The following DLG2 variants were observed in gnomAD, a reference collection of about 807,000 sequenced individuals.
The protein encoded by DLG2 is discs large MAGUK scaffold protein 2.
A neutral mutation model predicts 132.5 loss-of-function variants in DLG2; 45 were observed. The ratio of observed to expected loss-of-function variants is 0.34; its 90% confidence interval spans 0.27 to 0.44. DLG2 has a LOEUF of 0.44. Among genes scored for constraint, DLG2 ranks in the 20% least tolerant of loss-of-function variants. The pLI, the probability that DLG2 is intolerant of heterozygous loss-of-function variation, is 1.00. For synonymous variants in DLG2, 424 were observed against 419.6 expected (o/e 1.01, Z -0.13); for missense variants, 1,045 against 1,196.9 (o/e 0.87, Z 1.87).
At chr11:85,545,193 C>G (rs1052518688) in intron 3 of DLG2, among the ~76,000 whole-genome samples, 14 of 152,060 alleles carry the variant, frequency 9.2e-5, no homozygotes, top group Admixed American at 6.6e-5. Flanking sequence ...AGAGTTTTAG[C>G]ATGAAGGGCT....
intron 7 of DLG2, among the ~76,000 whole-genome samples, chr11:84,255,497 T>C (rs1204113876): frequency 6.6e-6 from 1 of 152,150 alleles, no homozygotes; most frequent in Non-Finnish European, 1.5e-5. Context: ...CTAATTTTTG[T>C]ATTTTTAGTA....
chr11:84,053,472 T>C (rs1272250720), intron 11 of DLG2, among the ~76,000 whole-genome samples: 2 of 151,978 alleles, frequency 1.3e-5, no homozygotes, highest in Non-Finnish European at 2.9e-5. Flanking sequence ...TAGTATTTTA[T>C]ATTAAATATT....
At chr11:85,241,719 C>T (rs1157299381) in intron 4 of DLG2, among the ~76,000 whole-genome samples, 2 of 151,922 alleles carry the variant, frequency 1.3e-5, no homozygotes, top group East Asian at 1.9e-4. Flanking sequence ...TCAAGTGGCA[C>T]AAGTGAATTA....
chr11:83,786,035 T>C (rs2095044024), intron 18 of DLG2, among the ~76,000 whole-genome samples: 1 of 152,160 alleles, frequency 6.6e-6, no homozygotes, highest in Non-Finnish European at 1.5e-5. Flanking sequence ...AACCATACAA[T>C]AAGTAACATC....
At chr11:84,072,214 A>C (rs1250455210) in intron 10 of DLG2, among the ~76,000 whole-genome samples, 11 of 152,216 alleles carry the variant, frequency 7.2e-5, no homozygotes, top group Admixed American at 2.0e-4. Context: ...ATAACACCCA[A>C]GTCTTTCCAC....
intron 18 of DLG2, among the ~76,000 whole-genome samples, chr11:83,765,269 AT>A (rs1399846093): frequency 6.6e-6 from 1 of 152,240 alleles, no homozygotes; most frequent in Non-Finnish European, 1.5e-5. Context: ...GAAAATTAAC[AT>A]CTTGATGGGA....
intron 3 of DLG2, among the ~76,000 whole-genome samples, chr11:85,493,110 C>T (rs767717583): frequency 6.6e-6 from 1 of 152,064 alleles, no homozygotes; most frequent in African/African-American, 2.4e-5. Flanking sequence ...CCAGAAACAA[C>T]TAGTAATCAG....
intron 6 of DLG2, among the ~76,000 whole-genome samples, chr11:84,591,223 C>CTCTCTG (rs1555073566): frequency 5.7e-5 from 8 of 139,222 alleles, no homozygotes; most frequent in African/African-American, 2.2e-4. Context: ...ATGTGTCTCT[C>CTCTCTG]TGTGTGTGTG....
At chr11:84,570,849 T>C (rs1008912556) in intron 6 of DLG2, among the ~76,000 whole-genome samples, 2 of 152,212 alleles carry the variant, frequency 1.3e-5, no homozygotes, top group Non-Finnish European at 2.9e-5. Context: ...GTCAAAAAAA[T>C]TTCCTCTGCA....
intron 9 of DLG2, among the ~76,000 whole-genome samples, chr11:84,141,990 C>A (rs1033993274): frequency 2.0e-5 from 3 of 152,018 alleles, no homozygotes; most frequent in Admixed American, 6.6e-5. Context: ...GACTTTCCAT[C>A]TTTCTAGCTC....
chr11:84,352,362 T>C (rs573613486), intron 7 of DLG2, among the ~76,000 whole-genome samples: 21 of 152,292 alleles, frequency 1.4e-4, no homozygotes, highest in Admixed American at 5.9e-4. Flanking sequence ...TGAGGTATTA[T>C]GTATGAAGCC....
chr11:84,329,591 C>T (rs1734748821), intron 7 of DLG2, among the ~76,000 whole-genome samples: 1 of 152,170 alleles, frequency 6.6e-6, no homozygotes, highest in African/African-American at 2.4e-5. Context: ...AACTGTGAGT[C>T]AATTAAGCTT....
At chr11:84,954,689 G>A (rs552982433) in intron 6 of DLG2, among the ~76,000 whole-genome samples, 1 of 152,080 alleles carries the variant, frequency 6.6e-6, no homozygotes, top group Non-Finnish European at 1.5e-5. Flanking sequence ...CCTTTGTGAC[G>A]CTTTACTCAT....
chr11:84,901,305 G>A (rs1007963361), intron 6 of DLG2, among the ~76,000 whole-genome samples: 1 of 152,024 alleles, frequency 6.6e-6, no homozygotes, highest in Non-Finnish European at 1.5e-5. Flanking sequence ...CACAGGCTGA[G>A]AAGGAAGGGA....
At position 84,703,881 on chromosome 11, in the gene DLG2, T is replaced by TATATATATATATATATATATATAC. The variant is rs1039735623; in HGVS notation, c.358-169151_358-169150insGTATATATATATATATATATATAT. Among the ~76,000 whole-genome samples, 327 of 122,590 alleles carry TATATATATATATATATATATATAC rather than the reference T, an allele frequency of 2.7e-3. 3 individuals carry two copies. The highest frequency in any genetic ancestry group is 8.3e-3 in the East Asian group (33 of 3,956). The allele number at this position is 122,590 out of a possible 152,430, so 80.4% of individuals were successfully genotyped here. A position where few individuals can be genotyped will look rare whatever the true frequency, so the allele number is the denominator to read the frequency against. ...AGATATATATATATATATATATATA[T>TATATATATATATATATATATATAC]ATACACGTGTGTGTGTGTGTGTGTG... On this transcript the variant is annotated intron_variant, in intron 6 of 27. Transcript: ENST00000376104.
At chr11:84,810,007 C>T (rs2076392991) in intron 6 of DLG2, among the ~76,000 whole-genome samples, 1 of 151,834 alleles carries the variant, frequency 6.6e-6, no homozygotes, top group Admixed American at 6.6e-5. Flanking sequence ...CAATAAACAC[C>T]AATAAGCAAA....
At chr11:85,453,234 C>A in intron 3 of DLG2, 2 of 365,882 alleles carry the variant, frequency 5.5e-6, no homozygotes, top group South Asian at 1.2e-4. Context: ...ATTATCTGGT[C>A]CAGTGTTAGT....
chr11:85,120,582 A>G (rs2074181742), intron 5 of DLG2, among the ~76,000 whole-genome samples: 1 of 152,076 alleles, frequency 6.6e-6, no homozygotes, highest in Admixed American at 6.6e-5. Context: ...TTAGAACTCT[A>G]TTTAAAAACA....
intron 7 of DLG2, among the ~76,000 whole-genome samples, chr11:84,379,986 A>T (rs1374226362): frequency 6.6e-6 from 1 of 152,056 alleles, no homozygotes; most frequent in Non-Finnish European, 1.5e-5. Context: ...TAACACAACT[A>T]AATATGGAGT....
Sources: allele counts gnomAD v4.1 joint callset (sites outside exome capture counted in the v4.1 genomes callset), GRCh38; gene constraint gnomAD v4.1.1; transcripts MANE v1.5; gene names NCBI Gene and HGNC (gene_info 2026-07-23, HGNC 2026-07-21).